The following PTER variants were observed in gnomAD, a reference collection of about 807,000 sequenced individuals.
PTER encodes the protein phosphotriesterase related.
Under a neutral mutation model 29.6 loss-of-function variants are expected in PTER, and 38 were observed. The observed-to-expected ratio is 1.28, with a 90% CI of 0.99 to 1.68. The LOEUF is 1.68. Among genes scored for constraint, PTER ranks in the 40% most tolerant of loss-of-function variants. PTER has a pLI of 0.00. For synonymous variants in PTER, 172 were observed against 154.5 expected (o/e 1.11, Z -0.84); for missense variants, 482 against 427.8 (o/e 1.13, Z -1.12).
At chr10:16,494,294 G>T (rs540549171) in intron 3 of PTER, among the ~76,000 whole-genome samples, 1 of 152,102 alleles carries the variant, frequency 6.6e-6, no homozygotes, top group South Asian at 2.1e-4. Flanking sequence ...TTAAACAAGG[G>T]TTTTTCTCTC....
chr10:16,467,069 C>A (rs1004806817), intron 1 of PTER, among the ~76,000 whole-genome samples: 1 of 152,112 alleles, frequency 6.6e-6, no homozygotes, highest in Non-Finnish European at 1.5e-5. Flanking sequence ...TTTTTATATG[C>A]TCAAGATTCT....
chr10:16,506,006 A>G (rs74127553), intron 4 of PTER, among the ~76,000 whole-genome samples: 4,607 of 148,620 alleles, frequency 0.031, 204 homozygotes, highest in African/African-American at 0.11. Context: ...TCTCAAGGAA[A>G]GGTCGAGGAG....
At chr10:16,449,024 G>A (rs143672833) in intron 1 of PTER, among the ~76,000 whole-genome samples, 6 of 152,318 alleles carry the variant, frequency 3.9e-5, no homozygotes, top group East Asian at 1.9e-4. Context: ...TCTAAGATCC[G>A]TCTGTCTTCT....
rs773629935 is a variant in PTER at position 16,511,292 on chromosome 10, A to G, written c.*36A>G. ...TATGAATTCACACCTTGAGTATAAA[A>G]CTTGCAGAGAACATTCAGCGATTTC... On this transcript the variant is annotated 3_prime_UTR_variant, in exon 5 of 5. Coordinates refer to ENST00000535784, the MANE Select transcript of PTER (RefSeq NM_001261836.2). 9 of 1,559,762 alleles carry G rather than the reference A, an allele frequency of 5.8e-6. No individual in the cohort carries two copies. In the East Asian group the frequency reaches 1.8e-4, roughly 31 times the overall value.
At chr10:16,514,521 T>C (rs1255591313), downstream of PTER, 1 of 1,611,196 alleles carries the variant, frequency 6.2e-7, no homozygotes. Context: ...GCTTAGTTTC[T>C]GCATTATCAG....
chr10:16,448,483 G>C (rs1323922339), intron 1 of PTER, among the ~76,000 whole-genome samples: 2 of 152,152 alleles, frequency 1.3e-5, no homozygotes, highest in Non-Finnish European at 2.9e-5. Flanking sequence ...GTTGTAGGAG[G>C]GGCCAAATGC....
At chr10:16,477,764 A>C (rs7915486) in intron 1 of PTER, among the ~76,000 whole-genome samples, 1 of 152,002 alleles carries the variant, frequency 6.6e-6, no homozygotes, top group Admixed American at 6.6e-5. Flanking sequence ...ATAGCCTTCC[A>C]GATGAAACTA....
intron 1 of PTER, among the ~76,000 whole-genome samples, chr10:16,468,861 A>G (rs1018698104): frequency 3.9e-5 from 6 of 151,950 alleles, no homozygotes; most frequent in African/African-American, 1.5e-4. Flanking sequence ...TGTAGTCCCA[A>G]CTACTCAGGA....
At chr10:16,477,101 G>C (rs1241003255) in intron 1 of PTER, among the ~76,000 whole-genome samples, 1 of 151,842 alleles carries the variant, frequency 6.6e-6, no homozygotes, top group Non-Finnish European at 1.5e-5. Context: ...AGATGGGCTG[G>C]CCATATTGCA....
At chr10:16,445,758 C>T (rs1425675883) in intron 1 of PTER, among the ~76,000 whole-genome samples, 1 of 152,142 alleles carries the variant, frequency 6.6e-6, no homozygotes, top group Non-Finnish European at 1.5e-5. Context: ...AAAACATTCC[C>T]TGCTGTTGTA....
intron 1 of PTER, among the ~76,000 whole-genome samples, chr10:16,450,262 T>C (rs1030622639): frequency 4.6e-5 from 7 of 152,122 alleles, no homozygotes; most frequent in South Asian, 2.1e-4. Context: ...CTGAGGAGAA[T>C]TGACATTGTC....
At chr10:16,461,923 T>C (rs1016506624) in intron 1 of PTER, among the ~76,000 whole-genome samples, 5 of 152,150 alleles carry the variant, frequency 3.3e-5, no homozygotes, top group African/African-American at 1.2e-4. Flanking sequence ...TTTATCTTTT[T>C]CATGACTTTT....
At chr10:16,490,634 TTC>T (rs1308872282) in intron 3 of PTER, among the ~76,000 whole-genome samples, 1 of 151,488 alleles carries the variant, frequency 6.6e-6, no homozygotes, top group Non-Finnish European at 1.5e-5. Flanking sequence ...GGTGTTTTTT[TTC>T]TCTCTCTTCA....
chr10:16,440,333 G>T (rs892369903), intron 1 of PTER, among the ~76,000 whole-genome samples: 3 of 151,960 alleles, frequency 2.0e-5, no homozygotes, highest in Non-Finnish European at 2.9e-5. Context: ...CTCCCGGCAT[G>T]AGCCACCACG....
Position 16,457,628 on chromosome 10 carries a change from C to T in PTER, c.-49+20581C>T, listed in dbSNP as rs1834459145. Among the ~76,000 whole-genome samples, 3 of 152,070 alleles carry T rather than the reference C, an allele frequency of 2.0e-5. No homozygotes were observed. The South Asian group carries it at 6.2e-4, about 32-fold the overall frequency. On this transcript the variant is annotated intron_variant, in intron 1 of 4. Coordinates refer to ENST00000535784, the MANE Select transcript of PTER (RefSeq NM_001261836.2). ...TGTTTTTGTTTTTTTGAGAAAGAGT[C>T]TCACTCTGTCACCCAGGCTGGAGTG...
intron 4 of PTER, among the ~76,000 whole-genome samples, chr10:16,508,055 TC>T (rs1330137776): frequency 2.0e-5 from 3 of 148,082 alleles, no homozygotes; most frequent in Non-Finnish European, 4.4e-5. Flanking sequence ...ATTTCTTTTT[TC>T]TTTTTTTCTT....
intron 3 of PTER, among the ~76,000 whole-genome samples, chr10:16,488,343 G>T (rs1206780119): frequency 6.6e-6 from 1 of 152,058 alleles, no homozygotes; most frequent in African/African-American, 2.4e-5. Context: ...ATTTTATAAT[G>T]TTGCCTTGTA....
rs377122246 is a variant in PTER, at chr10:16,449,085, CCTGCGT to C, written c.-49+12041_-49+12046del. Among the ~76,000 whole-genome samples, 60 of 152,288 alleles carry C rather than the reference CCTGCGT, an allele frequency of 3.9e-4. 1 individual carries two copies. The highest frequency in any genetic ancestry group is 1.4e-3 in the African/African-American group (58 of 41,566). On this transcript the variant is annotated intron_variant, in intron 1 of 4. Transcript: ENST00000535784. ...CAGGGATGTGGTGGGAATCACCACC[CCTGCGT>C]CTTTCACGTCCTTGATGGTGGCACT...
chr10:16,508,234 A>AT (rs1836664165), intron 4 of PTER, among the ~76,000 whole-genome samples: 1 of 151,618 alleles, frequency 6.6e-6, no homozygotes, highest in African/African-American at 2.4e-5. Flanking sequence ...ACGCCCGGCT[A>AT]ATTTTTTGTA....
Sources: gnomAD v4.1 joint callset for allele counts (sites outside exome capture counted in the v4.1 genomes callset) on GRCh38, gnomAD v4.1.1 for gene constraint, MANE v1.5 for transcripts, NCBI Gene and HGNC (gene_info 2026-07-23, HGNC 2026-07-21) for gene names.